Variants in DNHD1 observed in about 807,000 individuals in gnomAD.
DNHD1 encodes the protein dynein heavy chain domain 1.
DNHD1 carries 383 observed loss-of-function variants against 458.1 expected under a neutral mutation model. That is an observed-to-expected ratio of 0.84 (90% CI 0.77 to 0.91). The LOEUF (loss-of-function observed/expected upper bound fraction) is 0.91. DNHD1 is among the 40% of genes least tolerant of loss of function. DNHD1 has a pLI of 0.00. For missense variants in DNHD1, 5,336 were observed against 5,866.1 expected (o/e 0.91, Z 2.95); for synonymous variants, 2,203 against 2,376.9 (o/e 0.93, Z 2.13).
intron 12 of DNHD1, among the ~76,000 whole-genome samples, chr11:6,530,533 C>A (rs1852804927): frequency 6.6e-6 from 1 of 152,158 alleles, no homozygotes. Context: ...TGGCAATAGC[C>A]AATAGTATCT....
At chr11:6,544,492 G>T in intron 19 of DNHD1, 82 bp from the exon 20 acceptor site, 1 of 1,201,724 alleles carries the variant, frequency 8.3e-7, no homozygotes. Flanking sequence ...GGGTACCTGA[G>T]AGGTCAGGAG....
chr11:6,528,426 T>C, intron 10 of DNHD1, 96 bp from the exon 11 acceptor site: 1 of 1,302,930 alleles, frequency 7.7e-7, no homozygotes, highest in South Asian at 1.5e-5. Context: ...TGTGTGTGTG[T>C]GTGTGTGTGT....
chr11:6,528,951 C>A lies in DNHD1; in HGVS notation c.2177C>A (p.Ser726Tyr). Residue 726 changes from serine (S) to tyrosine (Y), a missense_variant, in exon 12 of 43, where the codon TCC becomes TAC. Physicochemically the swap from Ser to Tyr is moderately radical, Grantham distance 144. Transcript: ENST00000254579. Reference sequence around the variant, plus strand: ...ACAGGCATTTATGAATTCCTGCAATCCTGGGGGCCTCAGAAGCTGGAAGAC... The same window carrying A: ...ACAGGCATTTATGAATTCCTGCAATACTGGGGGCCTCAGAAGCTGGAAGAC... ...WITGIYEFLQ[S>Y]WGPQKLEDMR... The A allele has an allele frequency of 6.4e-7, 1 of 1,551,676 alleles. No individual in the cohort carries two copies. The highest frequency in any genetic ancestry group is 8.7e-7 in the Non-Finnish European group (1 of 1,146,988).
rs1853236450 is a variant in DNHD1 at position 6,547,094 on chromosome 11, A to G, written c.6155A>G (p.His2052Arg). Residue 2052 changes from histidine (H) to arginine (R), a missense_variant, in exon 21 of 43, where the codon CAT becomes CGT. His to Arg is a conservative substitution (Grantham distance 29, BLOSUM62 0). Coordinates refer to ENST00000254579, the MANE Select transcript of DNHD1 (RefSeq NM_144666.3). ...LGWLEGSCWHHGIFPKVLRAA... is the reference protein window; with the variant it reads ...LGWLEGSCWHRGIFPKVLRAA... ...TGGCTAGAGGGCTCCTGCTGGCATCATGGCATCTTTCCCAAGGTACTTCGT... is the reference window on the plus strand; with the variant it reads ...TGGCTAGAGGGCTCCTGCTGGCATCGTGGCATCTTTCCCAAGGTACTTCGT... 6.4e-7 allele frequency: 1 copy of G among 1,551,616 alleles called. No homozygotes were observed. The highest frequency in any genetic ancestry group is 1.4e-5 in the African/African-American group (1 of 73,058).
At chr11:6,533,307 G>A (rs756715402) in intron 13 of DNHD1, 123 bp downstream of exon 13, 78 of 1,049,018 alleles carry the variant, frequency 7.4e-5, no homozygotes, top group Non-Finnish European at 9.3e-5. Context: ...AACTGTGCTC[G>A]CCTAAGAGAT....
In DNHD1 at chr11:6,564,057, A is replaced by C; in HGVS notation, c.10217A>C (p.Gln3406Pro). Residue 3406 changes from glutamine to proline, a missense_variant, in exon 31 of 43, where the codon CAG (glutamine) becomes CCG (proline). Gln to Pro is a moderately conservative substitution (Grantham distance 76). Around this residue, in one of 4 missense-constraint regions of DNHD1, gnomAD observed 3,932 missense variants for 4,365.6 expected, o/e 0.90. Transcript: ENST00000254579. ...ACCCTCAGTCAAGCACAGTGTGGGC[A>C]GTATCACAAATGGCCCATGAAGGCT... is the stretch of plus-strand genomic sequence containing the variant. The part of the protein sequence containing the change: ...AKTLSQAQCG[Q>P]YHKWPMKAAL... 1 of 1,551,720 alleles carries C rather than the reference A, an allele frequency of 6.4e-7. No homozygotes were observed. The highest frequency in any genetic ancestry group is 1.4e-5 in the African/African-American group (1 of 73,192).
At chr11:6,512,465 GC>G (rs1188063308) in intron 7 of DNHD1, among the ~76,000 whole-genome samples, 1 of 151,596 alleles carries the variant, frequency 6.6e-6, no homozygotes, top group Non-Finnish European at 1.5e-5. Flanking sequence ...CTTGTGATCC[GC>G]CCACCTCGGC....
Position 6,547,758 on chromosome 11 carries a change from G to C in DNHD1, c.6727+92G>C, listed in dbSNP as rs560047083. ...AGCCTGGGGCGTGTGTTCTTTGGTGGATCTGGGCCAGGAGTGAAAAGTAAT... is the reference window on the plus strand; with the variant it reads ...AGCCTGGGGCGTGTGTTCTTTGGTGCATCTGGGCCAGGAGTGAAAAGTAAT... On this transcript the variant is annotated intron_variant, in intron 21 of 42. Transcript: ENST00000254579. The C allele has an allele frequency of 9.4e-5, 140 of 1,489,166 alleles. 2 individuals are homozygous for C. In the South Asian group the frequency reaches 1.5e-3, roughly 16 times the overall value. The allele number at this position is 1,489,166 out of a possible 1,614,324, so 92.2% of individuals were successfully genotyped here.
Position 6,566,997 on chromosome 11 carries a change from C to T in DNHD1, c.11488C>T (p.Arg3830Cys), listed in dbSNP as rs998065768. 54 of 1,613,896 alleles carry T rather than the reference C, an allele frequency of 3.3e-5. No homozygotes were observed. Among genetic ancestry groups the T allele is most frequent in the Non-Finnish European group, 4.1e-5 (48 of 1,179,896 alleles). The change falls in exon 36 of 43, where the codon CGT (arginine) becomes TGT (cysteine). Residue 3830 changes from arginine (R) to cysteine (C), a missense_variant. This residue lies in a region of DNHD1 where 695 missense variants were observed against 804.2 expected (regional missense o/e 0.86). Transcript: ENST00000254579. ...GGCCCAAGGAAAGCTATGCCAGCTGCGTGCTCATTGTGAAGAGTTAGAAGG... is the reference window on the plus strand; with the variant it reads ...GGCCCAAGGAAAGCTATGCCAGCTGTGTGCTCATTGTGAAGAGTTAGAAGG... Reference protein sequence around the residue: ...VRAQGKLCQLRAHCEELEGQK... With the variant: ...VRAQGKLCQLCAHCEELEGQK...
At chr11:6,532,817 C>G (rs1349732926) in intron 12 of DNHD1, among the ~76,000 whole-genome samples, 2 of 152,138 alleles carry the variant, frequency 1.3e-5, no homozygotes, top group Admixed American at 1.3e-4. Flanking sequence ...AACTTTCTGT[C>G]TCATTCATTT....
intron 24 of DNHD1, among the ~76,000 whole-genome samples, chr11:6,550,784 TC>T (rs1319207076): frequency 6.6e-6 from 1 of 152,114 alleles, no homozygotes; most frequent in Admixed American, 6.6e-5. Flanking sequence ...GAAAAGGACA[TC>T]TCATAATTGA....
intron 24 of DNHD1, among the ~76,000 whole-genome samples, chr11:6,553,500 G>T (rs1853403583): frequency 6.6e-6 from 1 of 152,008 alleles, no homozygotes; most frequent in Non-Finnish European, 1.5e-5. Flanking sequence ...ACGCAATTAA[G>T]AAAAAGAAAT....
Position 6,529,115 on chromosome 11 carries a change from G to A in DNHD1, c.2341G>A (p.Glu781Lys). 1 of 1,550,060 alleles carries A rather than the reference G, an allele frequency of 6.5e-7. No individual in the cohort carries two copies. The highest frequency in any genetic ancestry group is 8.7e-7 in the Non-Finnish European group (1 of 1,146,936). Residue 781 changes from glutamate to lysine, a missense_variant, in exon 12 of 43, where the codon GAG becomes AAG. Around this residue, in one of 4 missense-constraint regions of DNHD1, gnomAD observed 3,932 missense variants for 4,365.6 expected, o/e 0.90. Coordinates refer to ENST00000254579, the MANE Select transcript of DNHD1 (RefSeq NM_144666.3). Reference protein sequence around the residue: ...LLLSCHDVQAEMESKLNSIRK... With the variant: ...LLLSCHDVQAKMESKLNSIRK... ...ACTTAGCTGCCATGATGTACAGGCA[G>A]AGATGGGTGAGTACTGCTTCTCTTC...
rs1166412510 is a variant in DNHD1 at position 6,544,214 on chromosome 11, C to T, written c.3722C>T (p.Ala1241Val). The change falls in exon 19 of 43, where the codon GCT (alanine) becomes GTT (valine). Residue 1241 changes from alanine to valine, a missense_variant. Physicochemically the swap from Ala to Val is moderately conservative, Grantham distance 64. Coordinates refer to ENST00000254579, the MANE Select transcript of DNHD1 (RefSeq NM_144666.3). ...IEKSGDLNKI[A>V]LEWVAIMHGL... Reference sequence around the variant, plus strand: ...AAGTCAGGAGATTTAAACAAAATAGCTTTGGAGTGGGTGGCCATCATGCAT... The same window carrying T: ...AAGTCAGGAGATTTAAACAAAATAGTTTTGGAGTGGGTGGCCATCATGCAT... The T allele has an allele frequency of 6.4e-7, 1 of 1,551,536 alleles. No homozygotes were observed. Among genetic ancestry groups the T allele is most frequent in the South Asian group, 1.2e-5 (1 of 84,058 alleles).
At chr11:6,559,801 C>A (rs961442183) in intron 28 of DNHD1, among the ~76,000 whole-genome samples, 1 of 152,194 alleles carries the variant, frequency 6.6e-6, no homozygotes, top group Non-Finnish European at 1.5e-5. Context: ...GTATACTAGA[C>A]AAGAGTGTCC....
intron 6 of DNHD1, 121 bp downstream of exon 6, chr11:6,509,393 C>A (rs964273431): frequency 1.2e-4 from 95 of 801,116 alleles, no homozygotes; most frequent in Non-Finnish European, 1.7e-4. Context: ...AACCTTTAAT[C>A]CTACCAACCA....
At chr11:6,521,442 A>G (rs1161237850) in intron 10 of DNHD1, among the ~76,000 whole-genome samples, 2 of 152,136 alleles carry the variant, frequency 1.3e-5, no homozygotes, top group Non-Finnish European at 2.9e-5. Context: ...TTCACCTACC[A>G]TGTCTTAGGT....
chr11:6,570,452 C>A (rs886645818), intron 41 of DNHD1, 56 bp downstream of exon 41: 23 of 1,530,436 alleles, frequency 1.5e-5, no homozygotes, highest in South Asian at 6.3e-5. Context: ...TGCAATGCCA[C>A]CCCCCACAGA....
chr11:6,552,510 GC>G (rs1451840177), intron 24 of DNHD1, among the ~76,000 whole-genome samples: 1 of 152,028 alleles, frequency 6.6e-6, no homozygotes, highest in Admixed American at 6.6e-5. Flanking sequence ...GGTGACAAGA[GC>G]AAAACTTCGT....
Sources: allele counts gnomAD v4.1 joint callset (sites outside exome capture counted in the v4.1 genomes callset), GRCh38; gene constraint gnomAD v4.1.1; regional missense constraint gnomAD v4.1.1; transcripts MANE v1.5; gene names NCBI Gene and HGNC (gene_info 2026-07-23, HGNC 2026-07-21).